HHIPL1: variants seen among roughly 807,000 people sequenced by gnomAD.
HHIPL1 encodes the protein HHIP like 1.
In HHIPL1, 43 loss-of-function variants were observed where a neutral mutation model predicts 61.8. The ratio of observed to expected loss-of-function variants is 0.70; its 90% confidence interval spans 0.55 to 0.90. The LOEUF is 0.90. Ranked by LOEUF, HHIPL1 falls within the 40% of genes least tolerant of loss-of-function variation. The probability of loss-of-function intolerance (pLI) is 0.00; values close to 1 mark genes in which losing one functional copy is unlikely to be tolerated. For synonymous variants in HHIPL1, 482 were observed against 515.8 expected, an observed-to-expected ratio of 0.93 and a Z score of 0.89; for missense variants, 1,056 against 1,157.7, an observed-to-expected ratio of 0.91 and a Z score of 1.28.
At chr14:99,634,199 C>T in the HHIPL1 span, among the ~76,000 whole-genome samples, 2 of 152,140 alleles carry the variant, frequency 1.3e-5, no homozygotes, top group Non-Finnish European at 2.9e-5. Flanking sequence ...AGAGAGGGCA[C>T]GTATGTGTCT....
rs1566810164 is a variant in HHIPL1, at chr14:99,656,886, AGGAAGGAAG to A, written c.903-112_903-104del. The A allele has an allele frequency of 1.4e-4, 28 of 197,416 alleles. 8 individuals are homozygous for A. Among genetic ancestry groups the A allele is most frequent in the Admixed American group, 5.3e-4 (4 of 7,488 alleles). 12.2% of individuals were successfully genotyped at this position (197,416 alleles called of 1,614,324 possible). A position where few individuals can be genotyped will look rare whatever the true frequency, so the allele number is the denominator to read the frequency against. On this transcript the variant is annotated intron_variant, in intron 2 of 8. Coordinates refer to ENST00000330710, the MANE Select transcript of HHIPL1 (RefSeq NM_001127258.3). ...AAGGAAGGAAGGAAGGAAGGAAGGA[AGGAAGGAAG>A]GTCTTTTCCATTGTGAAATGACATC...
At chr14:99,663,127 T>A in intron 6 of HHIPL1, 106 bp downstream of exon 6, 1 of 1,099,490 alleles carries the variant, frequency 9.1e-7, no homozygotes, top group Non-Finnish European at 1.3e-6. Flanking sequence ...CACACAGGCC[T>A]GAAATTAGTT....
upstream of HHIPL1, among the ~76,000 whole-genome samples, chr14:99,641,696 G>A (rs2055754493): frequency 6.6e-6 from 1 of 151,832 alleles, no homozygotes; most frequent in Admixed American, 6.6e-5. Context: ...TTACAGGCGT[G>A]AGCCACCGTG....
chr14:99,628,331 G>A, the HHIPL1 span, among the ~76,000 whole-genome samples: 1 of 152,142 alleles, frequency 6.6e-6, no homozygotes, highest in East Asian at 1.9e-4. Context: ...TGTCATCCCA[G>A]CTCTTTGTGA....
chr14:99,623,505 T>C, the HHIPL1 span, among the ~76,000 whole-genome samples: 97,631 of 151,930 alleles, frequency 0.64, 31,847 homozygotes, highest in South Asian at 0.77. Flanking sequence ...TAGCCTCAAC[T>C]TCCTGGGCTG....
intron 6 of HHIPL1, among the ~76,000 whole-genome samples, chr14:99,666,837 T>TG (rs1176179541): frequency 6.6e-6 from 1 of 152,138 alleles, no homozygotes; most frequent in African/African-American, 2.4e-5. Flanking sequence ...GCCCCTGGGT[T>TG]GGGGGGTCAG....
the HHIPL1 span, among the ~76,000 whole-genome samples, chr14:99,605,387 C>CG: frequency 0.063 from 7,306 of 115,552 alleles, 672 homozygotes; most frequent in East Asian, 0.11. Flanking sequence ...CGGGGCGGGG[C>CG]GGGGGGGGGT....
chr14:99,612,287 C>T, the HHIPL1 span, among the ~76,000 whole-genome samples: 11 of 152,166 alleles, frequency 7.2e-5, no homozygotes, highest in African/African-American at 2.4e-4. Context: ...CACCTGGTCC[C>T]GCCCTTGACA....
intron 6 of HHIPL1, among the ~76,000 whole-genome samples, chr14:99,664,964 G>T (rs1247996666): frequency 6.6e-6 from 1 of 151,094 alleles, no homozygotes. Flanking sequence ...GCCCAGGCTG[G>T]AGTGAAGTGG....
intron 2 of HHIPL1, among the ~76,000 whole-genome samples, chr14:99,654,290 G>A (rs999632276): frequency 1.3e-5 from 2 of 152,198 alleles, no homozygotes; most frequent in African/African-American, 4.8e-5. Context: ...CCCTTGGGCC[G>A]GGAGGACAAA....
chr14:99,648,912 G>A (rs967421637), intron 1 of HHIPL1, among the ~76,000 whole-genome samples: 3 of 152,198 alleles, frequency 2.0e-5, no homozygotes, highest in African/African-American at 7.2e-5. Flanking sequence ...CAGTGACATG[G>A]GGGTGGCAAA....
At chr14:99,619,077 C>A in the HHIPL1 span, among the ~76,000 whole-genome samples, 4 of 152,224 alleles carry the variant, frequency 2.6e-5, 1 homozygote, top group South Asian at 8.3e-4. Context: ...CCTCACCGAG[C>A]CTCACCATGA....
At chr14:99,605,091 T>C in the HHIPL1 span, among the ~76,000 whole-genome samples, 1 of 152,178 alleles carries the variant, frequency 6.6e-6, no homozygotes, top group Non-Finnish European at 1.5e-5. Flanking sequence ...ACCTGCCCCC[T>C]GCCCGGAGCG....
At chr14:99,649,806 CAAATA>C (rs1252514389) in intron 1 of HHIPL1, among the ~76,000 whole-genome samples, 1 of 152,160 alleles carries the variant, frequency 6.6e-6, no homozygotes, top group Admixed American at 6.5e-5. Context: ...AAAAAATAAA[CAAATA>C]AAATAAAATA....
chr14:99,648,036 T>C (rs2055869433), intron 1 of HHIPL1, among the ~76,000 whole-genome samples: 1 of 152,130 alleles, frequency 6.6e-6, no homozygotes, highest in Non-Finnish European at 1.5e-5. Flanking sequence ...TATGGGCTCA[T>C]GTATTCAGCA....
chr14:99,620,128 A>G, the HHIPL1 span, among the ~76,000 whole-genome samples: 1 of 152,144 alleles, frequency 6.6e-6, no homozygotes, highest in Non-Finnish European at 1.5e-5. Context: ...AGGTGACTCA[A>G]TGCCATCTTT....
At chr14:99,671,514 G>A (rs1246095632) in intron 7 of HHIPL1, among the ~76,000 whole-genome samples, 4 of 152,152 alleles carry the variant, frequency 2.6e-5, no homozygotes, top group Non-Finnish European at 2.9e-5. Context: ...TCCGTGTCAC[G>A]TGGCTGCTTC....
At chr14:99,636,180 G>A in the HHIPL1 span, among the ~76,000 whole-genome samples, 1 of 152,170 alleles carries the variant, frequency 6.6e-6, no homozygotes, top group Non-Finnish European at 1.5e-5. Context: ...GGTGGTGGGT[G>A]TGAGTGGGAA....
Position 99,660,325 on chromosome 14 carries a change from C to G in HHIPL1, c.1421C>G (p.Ser474Trp), listed in dbSNP as rs772773174. Residue 474 changes from serine (S) to tryptophan (W), a missense_variant, in exon 5 of 9, where the codon TCG becomes TGG. Coordinates refer to ENST00000330710, the MANE Select transcript of HHIPL1 (RefSeq NM_001127258.3). The surrounding 1 kb of genome is among the most constrained non-coding windows in gnomAD (Gnocchi z 4.9). ...IFAYPHTVGK[S>W]VTGGYVYRGC... The stretch of plus-strand genomic sequence containing the variant: ...GCCTACCCGCACACGGTTGGCAAGT[C>G]GGTCACAGGGGGCTACGTGTACCGG... 6 of 1,614,110 alleles carry G rather than the reference C, an allele frequency of 3.7e-6. No individual in the cohort carries two copies. The highest frequency in any genetic ancestry group is 1.1e-5 in the South Asian group (1 of 91,072).
Sources: gnomAD v4.1 joint callset for allele counts (sites outside exome capture counted in the v4.1 genomes callset) on GRCh38, gnomAD v4.1.1 for gene constraint, Gnocchi (gnomAD v3.1) non-coding constraint, MANE v1.5 for transcripts, NCBI Gene and HGNC (gene_info 2026-07-23, HGNC 2026-07-21) for gene names.